Variants in COX15 observed in about 807,000 individuals in gnomAD.
COX15 encodes the protein heme A synthase COX15.
A neutral mutation model predicts 51.9 loss-of-function variants in COX15; 51 were observed. The observed-to-expected ratio is 0.98, with a 90% confidence interval of 0.78 to 1.24. COX15 has a LOEUF of 1.24. Ranked by LOEUF, COX15 falls within the 50% of genes most tolerant of loss-of-function variation. The pLI, the probability that COX15 is intolerant of heterozygous loss-of-function variation, is 0.00. For missense variants in COX15, 420 were observed against 501.1 expected, an observed-to-expected ratio of 0.84 and a Z score of 1.55; for synonymous variants, 188 against 190.5, an observed-to-expected ratio of 0.99 and a Z score of 0.11.
intron 6 of COX15, among the ~76,000 whole-genome samples, chr10:99,719,965 A>G (rs1396427262): frequency 6.6e-6 from 1 of 152,248 alleles, no homozygotes; most frequent in Non-Finnish European, 1.5e-5. Context: ...GCCAACCAAT[A>G]TACTAGCCCC....
At chr10:99,698,498 T>G in the COX15 span, 1 of 1,528,506 alleles carries the variant, frequency 6.5e-7, no homozygotes, top group Non-Finnish European at 8.9e-7. Flanking sequence ...AGGCATGACG[T>G]GTTTGTTTGT....
intron 8 of COX15, among the ~76,000 whole-genome samples, chr10:99,716,054 C>A (rs1203585118): frequency 3.4e-5 from 5 of 146,626 alleles, no homozygotes; most frequent in African/African-American, 1.0e-4. Context: ...TGCAGCGGTG[C>A]GATCTTGACT....
At chr10:99,702,662 C>T in the COX15 span, 1 of 1,610,910 alleles carries the variant, frequency 6.2e-7, no homozygotes, top group East Asian at 2.2e-5. Flanking sequence ...AAACACGATT[C>T]TTACCACTCA....
chr10:99,699,604 G>T, the COX15 span, among the ~76,000 whole-genome samples: 7 of 152,262 alleles, frequency 4.6e-5, no homozygotes, highest in South Asian at 1.5e-3. Flanking sequence ...TCGCTCTGTA[G>T]CCCAGGCTGG....
At chr10:99,709,685 G>C (rs886046597), downstream of COX15, 32 of 985,268 alleles carry the variant, frequency 3.2e-5, no homozygotes, top group Non-Finnish European at 3.9e-5. Flanking sequence ...CATCTACCCT[G>C]TTTTCTGTTT....
At chr10:99,707,277 T>C (rs532870614), downstream of COX15, among the ~76,000 whole-genome samples, 2 of 152,264 alleles carry the variant, frequency 1.3e-5, no homozygotes, top group South Asian at 4.1e-4. Context: ...TGAAGGAAAA[T>C]TTTGTCATAT....
At chr10:99,719,575 C>T (rs1038778095) in intron 6 of COX15, among the ~76,000 whole-genome samples, 1 of 152,128 alleles carries the variant, frequency 6.6e-6, no homozygotes, top group African/African-American at 2.4e-5. Context: ...ACTGCAGCCT[C>T]GACCTCCTGG....
the COX15 span, chr10:99,700,979 T>G: frequency 6.2e-7 from 1 of 1,613,988 alleles, no homozygotes. Context: ...CCAGGATTAC[T>G]GTGGCATGGC....
At chr10:99,710,182 C>T, downstream of COX15, 1 of 985,414 alleles carries the variant, frequency 1.0e-6, no homozygotes, top group Non-Finnish European at 1.2e-6. Flanking sequence ...TCCTAAGTGG[C>T]CCCTCCTACA....
chr10:99,700,414 ATGTG>A, the COX15 span, among the ~76,000 whole-genome samples: 39 of 9,818 alleles, frequency 4.0e-3, no homozygotes, highest in South Asian at 0.018. Flanking sequence ...GTGTGTGTGT[ATGTG>A]TGTGTGTGTG....
the COX15 span, among the ~76,000 whole-genome samples, chr10:99,700,096 T>C: frequency 1.4e-4 from 21 of 152,318 alleles, no homozygotes; most frequent in East Asian, 2.9e-3. Context: ...TCACGCTCCC[T>C]GTTTTTCTGG....
chr10:99,716,749 G>A (rs1474191288), intron 7 of COX15: 1 of 356,356 alleles, frequency 2.8e-6, no homozygotes, highest in Non-Finnish European at 5.5e-6. Context: ...CAATGTGGGT[G>A]TCCCCCTCAT....
the COX15 span, among the ~76,000 whole-genome samples, chr10:99,700,536 G>C: frequency 6.6e-6 from 1 of 151,906 alleles, no homozygotes; most frequent in South Asian, 2.1e-4. Context: ...CTGGCATCTA[G>C]AACAGCACCT....
chr10:99,726,337 ATAC>A (rs1318685494), intron 4 of COX15, among the ~76,000 whole-genome samples: 4 of 152,230 alleles, frequency 2.6e-5, no homozygotes, highest in Non-Finnish European at 5.9e-5. Flanking sequence ...ACATGAAAAT[ATAC>A]TACTGAGTGC....
Position 99,710,983 on chromosome 10 carries a change from CTTG to C in COX15, c.*3601_*3603del, listed in dbSNP as rs2036364279. On this transcript the variant is annotated 3_prime_UTR_variant, in exon 9 of 9. Coordinates refer to ENST00000016171, the MANE Select transcript of COX15 (RefSeq NM_078470.6). The stretch of plus-strand genomic sequence containing the variant: ...ATTTAATCCTATAGGTATGTGATGA[CTTG>C]TTTTTTTGGAAAAAGGTATTTGGAA... 6.1e-6 allele frequency: 6 copies of C among 985,194 alleles called. No individual in the cohort carries two copies. Among genetic ancestry groups the C allele is most frequent in the Non-Finnish European group, 7.2e-6 (6 of 829,818 alleles). The allele number at this position is 985,194 out of a possible 1,614,324, so 61.0% of individuals were successfully genotyped here.
At chr10:99,698,403 T>C in the COX15 span, 2 of 856,874 alleles carry the variant, frequency 2.3e-6, no homozygotes, top group Non-Finnish European at 3.5e-6. Flanking sequence ...GAAATTGCAC[T>C]CCATCCTCGT....
At chr10:99,710,564 A>G (rs2036350126), downstream of COX15, 1 of 985,294 alleles carries the variant, frequency 1.0e-6, no homozygotes, top group African/African-American at 1.7e-5. Context: ...TGAATTCTTA[A>G]AATTCTCACT....
At chr10:99,701,091 A>C in the COX15 span, 5 of 1,540,272 alleles carry the variant, frequency 3.2e-6, no homozygotes, top group Non-Finnish European at 4.5e-6. Flanking sequence ...TTAGATGTGG[A>C]CTTAAAATCT....
the COX15 span, chr10:99,705,120 C>T: frequency 4.5e-5 from 8 of 178,812 alleles, no homozygotes; most frequent in East Asian, 1.1e-3. Context: ...TTCTCTGTAA[C>T]AGAGATATCA....
Sources: gnomAD v4.1 joint callset for allele counts (sites outside exome capture counted in the v4.1 genomes callset) on GRCh38, gnomAD v4.1.1 for gene constraint, MANE v1.5 for transcripts, NCBI Gene and HGNC (gene_info 2026-07-23, HGNC 2026-07-21) for gene names.